The following CCT2 variants were observed in gnomAD, a reference collection of about 807,000 sequenced individuals.
CCT2 encodes chaperonin containing TCP1 subunit 2.
In CCT2, 18 loss-of-function variants were observed where a neutral mutation model predicts 61.8. The observed-to-expected ratio is 0.29, with a 90% CI of 0.20 to 0.43. CCT2 has a LOEUF of 0.43. Ranked by LOEUF, CCT2 falls within the 20% of genes least tolerant of loss-of-function variation. CCT2 has a pLI of 1.00. For missense variants in CCT2, 556 were observed against 656.9 expected (o/e 0.85, Z 1.68); for synonymous variants, 248 against 215.9 (o/e 1.15, Z -1.30).
At chr12:69,587,780 G>T in intron 4 of CCT2, 150 bp from the exon 5 acceptor site, 2 of 748,192 alleles carry the variant, frequency 2.7e-6, no homozygotes, top group Non-Finnish European at 4.5e-6. Context: ...CCCGTATGTT[G>T]GTGGTAAAAC....
Position 69,586,348 on chromosome 12 carries a change from A to G in CCT2, c.78+4A>G, listed in dbSNP as rs1774358680. 1.2e-6 allele frequency: 2 copies of G among 1,603,606 alleles called. No homozygotes were observed. Among genetic ancestry groups the G allele is most frequent in the Non-Finnish European group, 1.7e-6 (2 of 1,170,540 alleles). On this transcript the variant is annotated splice_donor_region_variant and intron_variant, in intron 2 of 15. Transcript: ENST00000299300. ...GAGAGCAGAGACAGCTCGTCTGGTA[A>G]GCCTTGTTCTAAGCATTGTTTTAAA... is the stretch of plus-strand genomic sequence containing the variant.
At chr12:69,599,311 TCAAG>T (rs1593102167) in intron 14 of CCT2, among the ~76,000 whole-genome samples, 2 of 152,202 alleles carry the variant, frequency 1.3e-5, no homozygotes, top group East Asian at 3.8e-4. Context: ...CAGGCTGGCC[TCAAG>T]CAATCCTCCT....
At chr12:69,586,160 T>C in intron 1 of CCT2, 110 bp from the exon 2 acceptor site, 1 of 1,146,134 alleles carries the variant, frequency 8.7e-7, no homozygotes, top group Non-Finnish European at 1.3e-6. Flanking sequence ...AACATTGTTG[T>C]AAATGAGTTT....
chr12:69,587,658 T>G (rs1881705781), intron 4 of CCT2, 42 bp downstream of exon 4: 5 of 1,241,330 alleles, frequency 4.0e-6, no homozygotes, highest in African/African-American at 1.5e-5. Context: ...ATAATACTGT[T>G]TGTTAACATT....
At position 69,587,967 on chromosome 12, in the gene CCT2, C is replaced by T. The variant is rs138908754; in HGVS notation, c.294C>T (p.Gly98=). Residue 98 remains glycine, a synonymous_variant, in exon 5 of 16, where the codon GGC becomes GGT. Transcript: ENST00000299300. ...SRVQDDEVGD[G]TTSVTVLAAE... ...TTCAAGATGATGAAGTTGGTGATGG[C>T]ACTACCTCTGTTACCGTTTTAGCAG... 9.7e-5 allele frequency: 156 copies of T among 1,613,476 alleles called. No homozygotes were observed. The highest frequency in any genetic ancestry group is 1.0e-4 in the Non-Finnish European group (120 of 1,179,514).
chr12:69,589,511 A>T lies in CCT2; in HGVS notation c.473A>T (p.Asp158Val). 6.2e-7 allele frequency: 1 copy of T among 1,614,120 alleles called. No homozygotes were observed. The highest frequency in any genetic ancestry group is 8.5e-7 in the Non-Finnish European group (1 of 1,179,974). Residue 158 changes from aspartate (D) to valine (V), a missense_variant, in exon 7 of 16, where the codon GAT becomes GTT. Around this residue, in one of 3 missense-constraint regions of CCT2, gnomAD observed 308 missense variants for 350.6 expected, o/e 0.88. Coordinates refer to ENST00000299300, the MANE Select transcript of CCT2 (RefSeq NM_006431.3). ...TCCGATGAAGTTAAATTCCGTCAAG[A>T]TTTAATGAATATTGCGGGCACAACA... The part of the protein sequence containing the change: ...HGSDEVKFRQ[D>V]LMNIAGTTLS...
intron 15 of CCT2, 91 bp downstream of exon 15, chr12:69,600,095 G>C: frequency 8.2e-7 from 1 of 1,222,180 alleles, no homozygotes; most frequent in Non-Finnish European, 1.1e-6. Context: ...ATGAAAAGCA[G>C]AGACAGTTTT....
chr12:69,589,680 A>G lies in CCT2; in HGVS notation c.642A>G (p.Leu214=), dbSNP rs1881776074. ...KLGGSLADSY[L]DEGFLLDKKI... ...GAGGAAGTTTGGCAGATTCCTATTTAGATGAAGGTATGTATGAATGTCAGA... is the reference window on the plus strand; with the variant it reads ...GAGGAAGTTTGGCAGATTCCTATTTGGATGAAGGTATGTATGAATGTCAGA... Residue 214 remains leucine (L), a synonymous_variant, in exon 7 of 16, where the codon TTA becomes TTG. Coordinates refer to ENST00000299300, the MANE Select transcript of CCT2 (RefSeq NM_006431.3). 1 of 1,610,470 alleles carries G rather than the reference A, an allele frequency of 6.2e-7. No homozygotes were observed.
Position 69,589,664 on chromosome 12 carries a change from T to G in CCT2, c.626T>G (p.Leu209Trp). The G allele has an allele frequency of 6.2e-7, 1 of 1,613,192 alleles. No homozygotes were observed. Among genetic ancestry groups the G allele is most frequent in the East Asian group, 2.2e-5 (1 of 44,870 alleles). The change falls in exon 7 of 16, where the codon TTG (leucine) becomes TGG (tryptophan). Residue 209 changes from leucine to tryptophan, a missense_variant. By Grantham distance (61) the Leu-to-Trp change is moderately conservative. Coordinates refer to ENST00000299300, the MANE Select transcript of CCT2 (RefSeq NM_006431.3). Reference sequence around the variant, plus strand: ...ATTATCAAGAAGCTAGGAGGAAGTTTGGCAGATTCCTATTTAGATGAAGGT... The same window carrying G: ...ATTATCAAGAAGCTAGGAGGAAGTTGGGCAGATTCCTATTTAGATGAAGGT... The part of the protein sequence containing the change: ...IHIIKKLGGS[L>W]ADSYLDEGFL...
chr12:69,597,859 A>AT, intron 12 of CCT2, 93 bp downstream of exon 12: 1 of 1,418,864 alleles, frequency 7.0e-7, no homozygotes, highest in Non-Finnish European at 9.7e-7. Flanking sequence ...GAAATCTTAT[A>AT]TTGCTTTTGC....
intron 1 of CCT2, chr12:69,585,747 C>G: frequency 6.9e-7 from 1 of 1,443,902 alleles, no homozygotes; most frequent in Non-Finnish European, 9.1e-7. Flanking sequence ...CTCCTTGTGC[C>G]TAGGTCTTTG....
intron 15 of CCT2, among the ~76,000 whole-genome samples, chr12:69,600,971 A>G (rs1882130549): frequency 6.6e-6 from 1 of 152,190 alleles, no homozygotes; most frequent in South Asian, 2.1e-4. Flanking sequence ...AACAGTCCTG[A>G]TGTGGTGCAG....
At chr12:69,585,657 A>G (rs1881624338) in intron 1 of CCT2, 133 bp downstream of exon 1, 1 of 1,532,598 alleles carries the variant, frequency 6.5e-7, no homozygotes, top group Non-Finnish European at 8.8e-7. Flanking sequence ...GGTGCGAGCC[A>G]TGCGCGGGGC....
rs1565798830 is a variant in CCT2 at position 69,589,605 on chromosome 12, A to G, written c.567A>G (p.Arg189=). The change falls in exon 7 of 16, where the codon AGA becomes AGG. Residue 189 remains arginine, a synonymous_variant. Coordinates refer to ENST00000299300, the MANE Select transcript of CCT2 (RefSeq NM_006431.3). ...AGTTAGCTGTAGAAGCAGTTCTCAG[A>G]CTGAAAGGCTCTGGCAACCTGGAGG... ...FTKLAVEAVL[R]LKGSGNLEAI... The G allele has an allele frequency of 1.2e-6, 2 of 1,614,124 alleles. No homozygotes were observed. Among genetic ancestry groups the G allele is most frequent in the Non-Finnish European group, 8.5e-7 (1 of 1,179,998 alleles).
chr12:69,589,821 C>A, intron 7 of CCT2, 134 bp downstream of exon 7: 1 of 678,894 alleles, frequency 1.5e-6, no homozygotes. Flanking sequence ...ATATGTGCAA[C>A]CATTTTTGTC....
At chr12:69,589,263 T>C (rs1319760029) in intron 6 of CCT2, 2 of 523,664 alleles carry the variant, frequency 3.8e-6, no homozygotes, top group Non-Finnish European at 6.5e-6. Flanking sequence ...TTTTGCATGC[T>C]TGTGTGGCCC....
Position 69,598,413 on chromosome 12 carries a change from C to T in CCT2, c.1427C>T (p.Ala476Val), listed in dbSNP as rs201647356. 3 of 1,582,932 alleles carry T rather than the reference C, an allele frequency of 1.9e-6. No individual in the cohort carries two copies. Among genetic ancestry groups the T allele is most frequent in the Non-Finnish European group, 2.6e-6 (3 of 1,164,450 alleles). ...GCTCACAGTGAAGGCAATACCACTG[C>T]TGGATTGGGTAAGCAATCAAGGGGA... ...RAAHSEGNTT[A>V]GLDMREGTIG... The change falls in exon 14 of 16, where the codon GCT becomes GTT. Residue 476 changes from alanine (A) to valine (V), a missense_variant. By Grantham distance (64) the Ala-to-Val change is moderately conservative. This residue lies in a region of CCT2 where 225 missense variants were observed against 249.8 expected (regional missense o/e 0.90). Coordinates refer to ENST00000299300, the MANE Select transcript of CCT2 (RefSeq NM_006431.3).
At chr12:69,595,265 ATTAC>A (rs1478303272) in intron 10 of CCT2, among the ~76,000 whole-genome samples, 1 of 152,178 alleles carries the variant, frequency 6.6e-6, no homozygotes, top group Non-Finnish European at 1.5e-5. Flanking sequence ...TTTTCCTTTA[ATTAC>A]TTGAAGTGGG....
At chr12:69,595,991 G>A (rs1881977716) in intron 10 of CCT2, among the ~76,000 whole-genome samples, 1 of 152,238 alleles carries the variant, frequency 6.6e-6, no homozygotes, top group Non-Finnish European at 1.5e-5. Context: ...AAGATTGCTT[G>A]TGCCCAGGAG....
Sources: allele counts gnomAD v4.1 joint callset (sites outside exome capture counted in the v4.1 genomes callset), GRCh38; gene constraint gnomAD v4.1.1; regional missense constraint gnomAD v4.1.1; transcripts MANE v1.5; gene names NCBI Gene and HGNC (gene_info 2026-07-23, HGNC 2026-07-21).